The following TF variants were observed in gnomAD, a reference collection of about 807,000 sequenced individuals.
TF encodes serotransferrin.
Under a neutral mutation model 82.4 loss-of-function variants are expected in TF, and 55 were observed. That is an observed-to-expected ratio of 0.67 (90% CI 0.54 to 0.84). TF has a LOEUF of 0.84. Among genes scored for constraint, TF ranks in the 40% least tolerant of loss-of-function variants. TF has a pLI of 0.00. For missense variants in TF, 737 were observed against 868.4 expected (o/e 0.85, Z 1.90); for synonymous variants, 332 against 332.6 (o/e 1.00, Z 0.02).
chr3:133,730,886 G>C, the TF span, among the ~76,000 whole-genome samples: 1 of 152,150 alleles, frequency 6.6e-6, no homozygotes, highest in Non-Finnish European at 1.5e-5. Flanking sequence ...ATTTTAAGTA[G>C]ATGCTACCCT....
At chr3:133,736,651 A>AAAAAAAAAAAAAAG in the TF span, among the ~76,000 whole-genome samples, 1 of 144,932 alleles carries the variant, frequency 6.9e-6, no homozygotes, top group African/African-American at 2.5e-5. Context: ...AAAAAAAAAA[A>AAAAAAAAAAAAAAG]GCAGGGGTTA....
chr3:133,687,374 T>C, the TF span, among the ~76,000 whole-genome samples: 5 of 152,140 alleles, frequency 3.3e-5, no homozygotes, highest in Non-Finnish European at 5.9e-5. Flanking sequence ...ACTAAATCAC[T>C]AGGCCCTACC....
the TF span, chr3:133,699,506 G>A: frequency 8.9e-7 from 1 of 1,127,774 alleles, no homozygotes; most frequent in African/African-American, 1.6e-5. Context: ...ACAACACCCA[G>A]AAGCTGGTAG....
the TF span, among the ~76,000 whole-genome samples, chr3:133,735,196 C>G: frequency 6.6e-6 from 1 of 152,094 alleles, no homozygotes; most frequent in East Asian, 1.9e-4. Flanking sequence ...CAAAAATTAG[C>G]CAGGCGTGGT....
chr3:133,764,700 G>A (rs1466964048), intron 10 of TF, among the ~76,000 whole-genome samples, 175 bp from the exon 11 acceptor site: 2 of 152,198 alleles, frequency 1.3e-5, no homozygotes, highest in Non-Finnish European at 2.9e-5. Context: ...CTAGAGGCCA[G>A]GAGGTGAAAT....
Position 133,766,396 on chromosome 3 carries a change from G to T in TF, c.1449G>T (p.Met483Ile). The change falls in exon 12 of 17, where the codon ATG becomes ATT. Residue 483 changes from methionine (M) to isoleucine (I), a missense_variant. By Grantham distance (10) the Met-to-Ile change is conservative. Transcript: ENST00000402696. The part of the protein sequence containing the change: ...VGRTAGWNIP[M>I]GLLYNKINHC... Reference sequence around the variant, plus strand: ...GAACCGCTGGCTGGAACATCCCCATGGGCCTGCTCTACAATAAGATCAACC... The same window carrying T: ...GAACCGCTGGCTGGAACATCCCCATTGGCCTGCTCTACAATAAGATCAACC... 3 of 1,614,184 alleles carry T rather than the reference G, an allele frequency of 1.9e-6. No individual in the cohort carries two copies. Among genetic ancestry groups the T allele is most frequent in the Non-Finnish European group, 2.5e-6 (3 of 1,180,030 alleles).
At chr3:133,713,329 A>G in the TF span, among the ~76,000 whole-genome samples, 1 of 152,264 alleles carries the variant, frequency 6.6e-6, no homozygotes, top group Non-Finnish European at 1.5e-5. Context: ...TCAATGCAAT[A>G]GAAATTGTCA....
chr3:133,771,694 G>C (rs896173708), intron 14 of TF, among the ~76,000 whole-genome samples: 3 of 132,328 alleles, frequency 2.3e-5, no homozygotes, highest in Non-Finnish European at 4.6e-5. Flanking sequence ...CCGAGATTGC[G>C]CCACTGCAGT....
chr3:133,729,398 G>A, the TF span, among the ~76,000 whole-genome samples: 89,211 of 152,032 alleles, frequency 0.59, 26,714 homozygotes, highest in East Asian at 0.76. Context: ...GCTGCCTTGC[G>A]GTTTGATCTC....
the TF span, among the ~76,000 whole-genome samples, chr3:133,736,631 C>CAAAAAAGAAAAGAAAAAAAAAAAAAA: frequency 3.1e-5 from 1 of 32,552 alleles, no homozygotes; most frequent in Non-Finnish European, 5.4e-5. Context: ...AATGGAAAGC[C>CAAAAAAGAAAAGAAAAAAAAAAAAAA]AAAAAAAAAA....
chr3:133,775,282 C>G, intron 14 of TF, 151 bp from the exon 15 acceptor site: 1 of 762,390 alleles, frequency 1.3e-6, no homozygotes, highest in Non-Finnish European at 2.3e-6. Flanking sequence ...ACATGGGTGT[C>G]TCTTCCTGTC....
intron 8 of TF, 110 bp from the exon 9 acceptor site, chr3:133,759,065 G>C: frequency 7.1e-7 from 1 of 1,402,212 alleles, no homozygotes; most frequent in Admixed American, 1.7e-5. Flanking sequence ...GGGTCTGTTT[G>C]TTTATTGCTG....
At chr3:133,759,945 T>A (rs1258395943) in intron 9 of TF, among the ~76,000 whole-genome samples, 1 of 152,136 alleles carries the variant, frequency 6.6e-6, no homozygotes, top group Non-Finnish European at 1.5e-5. Flanking sequence ...AATTCCCTTA[T>A]TGGGATCATT....
intron 11 of TF, 117 bp from the exon 12 acceptor site, chr3:133,766,161 T>G (rs1934121246): frequency 9.8e-7 from 1 of 1,016,510 alleles, no homozygotes; most frequent in Admixed American, 1.7e-5. Flanking sequence ...GAAGATCCTC[T>G]CAAGACACAA....
chr3:133,748,677 G>T, intron 2 of TF, 93 bp downstream of exon 2: 1 of 1,473,572 alleles, frequency 6.8e-7, no homozygotes, highest in South Asian at 1.2e-5. Flanking sequence ...CAGGTAGGAG[G>T]CTGATATATG....
rs1377404196 is a variant in TF at position 133,764,894 on chromosome 3, T to C, written c.1317T>C (p.Asp439=). 1 of 1,613,942 alleles carries C rather than the reference T, an allele frequency of 6.2e-7. No homozygotes were observed. The highest frequency in any genetic ancestry group is 8.5e-7 in the Non-Finnish European group (1 of 1,179,908). ...CTGCAGAGAGCGATAATTGTGAGGATACACCAGAGGCAGGTGAGTTTGAAT... is the reference window on the plus strand; with the variant it reads ...CTGCAGAGAGCGATAATTGTGAGGACACACCAGAGGCAGGTGAGTTTGAAT... ...ENYNKSDNCE[D]TPEAGYFAIA... The change falls in exon 11 of 17, where the codon GAT becomes GAC. Residue 439 remains aspartate (D), a synonymous_variant. Transcript: ENST00000402696.
At chr3:133,708,088 G>A in the TF span, among the ~76,000 whole-genome samples, 2 of 152,098 alleles carry the variant, frequency 1.3e-5, no homozygotes, top group African/African-American at 4.8e-5. Flanking sequence ...TTAAACAAGT[G>A]CATACTCATA....
chr3:133,692,700 T>A, the TF span: 1 of 152,226 alleles, frequency 6.6e-6, no homozygotes, highest in Non-Finnish European at 1.5e-5. Context: ...GAGTTCTGCA[T>A]GGTACGTGCT....
At chr3:133,776,206 GA>G (rs1934385740) in intron 15 of TF, among the ~76,000 whole-genome samples, 1 of 152,178 alleles carries the variant, frequency 6.6e-6, no homozygotes, top group Non-Finnish European at 1.5e-5. Flanking sequence ...GAGTCATGAA[GA>G]GTGGATTTCT....
Sources: allele counts gnomAD v4.1 joint callset (sites outside exome capture counted in the v4.1 genomes callset), GRCh38; gene constraint gnomAD v4.1.1; transcripts MANE v1.5; gene names NCBI Gene and HGNC (gene_info 2026-07-23, HGNC 2026-07-21).